Variants in SOX6 observed in about 807,000 individuals in gnomAD.
The protein encoded by SOX6 is transcription factor SOX-6.
Under a neutral mutation model 97.8 loss-of-function variants are expected in SOX6, and 11 were observed. That is an observed-to-expected ratio of 0.11 (90% CI 0.07 to 0.19). SOX6 has a LOEUF of 0.19. Among genes scored for constraint, SOX6 ranks in the 10% least tolerant of loss-of-function variants. The pLI, the probability that SOX6 is intolerant of heterozygous loss-of-function variation, is 1.00. For missense variants in SOX6, 810 were observed against 1,039.5 expected, an observed-to-expected ratio of 0.78 and a Z score of 3.04; for synonymous variants, 360 against 371.4, an observed-to-expected ratio of 0.97 and a Z score of 0.35.
chr11:16,495,544 T>C (rs1046975934), intron 4 of SOX6, among the ~76,000 whole-genome samples: 2 of 152,092 alleles, frequency 1.3e-5, no homozygotes, highest in African/African-American at 2.4e-5. Context: ...ACTACCACAA[T>C]AGCTGGCACC....
chr11:16,564,446 T>A (rs1847846481), intron 4 of SOX6, among the ~76,000 whole-genome samples: 1 of 152,072 alleles, frequency 6.6e-6, no homozygotes, highest in South Asian at 2.1e-4. Context: ...TACAGAAGAA[T>A]TAAACAATCT....
At chr11:15,975,749 A>G (rs1348100605) in intron 15 of SOX6, among the ~76,000 whole-genome samples, 3 of 152,172 alleles carry the variant, frequency 2.0e-5, no homozygotes, top group Non-Finnish European at 4.4e-5. Flanking sequence ...AAGTACCATA[A>G]TCAGGAGTTG....
chr11:16,404,467 C>T (rs532804313), intron 1 of SOX6, among the ~76,000 whole-genome samples: 29 of 151,976 alleles, frequency 1.9e-4, no homozygotes, highest in African/African-American at 6.5e-4. Flanking sequence ...TTATTGTTAA[C>T]AACCAATTAA....
At chr11:16,066,302 T>C (rs1848092485) in intron 9 of SOX6, among the ~76,000 whole-genome samples, 1 of 152,086 alleles carries the variant, frequency 6.6e-6, no homozygotes, top group Admixed American at 6.6e-5. Context: ...ACACTGTTGG[T>C]GAGAATGTAA....
Position 15,972,998 on chromosome 11 carries a change from C to A in SOX6, c.2298G>T (p.Ser766=). Reference sequence around the variant, plus strand: ...CCGGGAGGCTGGGCTCCGGGCTGGCCGAGGTGCTAGAGCAGTCAGATGTCA... The same window carrying A: ...CCGGGAGGCTGGGCTCCGGGCTGGCAGAGGTGCTAGAGCAGTCAGATGTCA... ...PQMTSDCSST[S]ASPEPSLPVI... is the part of the protein sequence containing the mutation. The change falls in exon 16 of 16, where the codon TCG becomes TCT. Residue 766 remains serine, a synonymous_variant. Transcript: ENST00000683767. 6.2e-7 allele frequency: 1 copy of A among 1,614,136 alleles called. No individual in the cohort carries two copies. The highest frequency in any genetic ancestry group is 8.5e-7 in the Non-Finnish European group (1 of 1,180,012).
At chr11:16,630,681 G>A (rs547771666) in intron 3 of SOX6, among the ~76,000 whole-genome samples, 34 of 152,130 alleles carry the variant, frequency 2.2e-4, no homozygotes, top group Middle Eastern at 3.4e-3. Flanking sequence ...TGACAGTCAG[G>A]GTGTTGAAGT....
At chr11:16,575,722 A>G (rs1235537878) in intron 4 of SOX6, among the ~76,000 whole-genome samples, 1 of 152,202 alleles carries the variant, frequency 6.6e-6, no homozygotes, top group African/African-American at 2.4e-5. Flanking sequence ...AAAGTAAAGA[A>G]AGTGACTAAC....
chr11:16,674,322 C>A (rs1384045927), intron 3 of SOX6, among the ~76,000 whole-genome samples: 2 of 151,818 alleles, frequency 1.3e-5, no homozygotes, highest in Non-Finnish European at 2.9e-5. Flanking sequence ...CAAGTAATGC[C>A]GAAAAAGCAT....
chr11:16,428,086 A>T (rs1859188947), intron 1 of SOX6, among the ~76,000 whole-genome samples: 1 of 152,190 alleles, frequency 6.6e-6, no homozygotes, highest in Admixed American at 6.5e-5. Context: ...GCCAGTGATG[A>T]TGAGCATTTT....
intron 1 of SOX6, among the ~76,000 whole-genome samples, chr11:16,349,993 C>T (rs924943166): frequency 6.6e-6 from 1 of 152,086 alleles, no homozygotes; most frequent in Non-Finnish European, 1.5e-5. Flanking sequence ...TTCTAAATAA[C>T]ATCATTTATG....
chr11:16,461,531 C>T (rs1046151968), intron 1 of SOX6, among the ~76,000 whole-genome samples: 11 of 152,084 alleles, frequency 7.2e-5, no homozygotes, highest in Non-Finnish European at 1.5e-4. Context: ...TTATTGTTTC[C>T]TATCCCATAC....
intron 3 of SOX6, among the ~76,000 whole-genome samples, chr11:16,254,944 C>T (rs1037255826): frequency 2.0e-5 from 3 of 151,972 alleles, no homozygotes; most frequent in Admixed American, 6.6e-5. Context: ...ATATACCATG[C>T]TAACATATCA....
At chr11:16,583,618 T>TATATATACACACACACAC (rs1554976107) in intron 4 of SOX6, among the ~76,000 whole-genome samples, 2 of 126,012 alleles carry the variant, frequency 1.6e-5, no homozygotes, top group African/African-American at 3.0e-5. Flanking sequence ...TATATACATA[T>TATATATACACACACACAC]ATATATATAT....
At chr11:16,392,617 T>A (rs1191305433) in intron 1 of SOX6, among the ~76,000 whole-genome samples, 1 of 152,128 alleles carries the variant, frequency 6.6e-6, no homozygotes, top group African/African-American at 2.4e-5. Context: ...CTGGACCCTG[T>A]GGAGAAACAA....
intron 6 of SOX6, among the ~76,000 whole-genome samples, chr11:16,181,371 C>T (rs1372992573): frequency 6.6e-6 from 1 of 150,482 alleles, no homozygotes; most frequent in African/African-American, 2.4e-5. Flanking sequence ...TTGTTTTATC[C>T]TTTGTTCTGT....
intron 13 of SOX6, among the ~76,000 whole-genome samples, chr11:15,999,771 G>A (rs1376365776): frequency 6.6e-6 from 1 of 152,114 alleles, no homozygotes; most frequent in Admixed American, 6.5e-5. Context: ...TGGGTTGCTT[G>A]ATGGAACTGT....
At chr11:16,525,750 A>G (rs1861148558) in intron 4 of SOX6, among the ~76,000 whole-genome samples, 1 of 152,094 alleles carries the variant, frequency 6.6e-6, no homozygotes, top group South Asian at 2.1e-4. Context: ...AAGGGCTAAT[A>G]TCCAGAATCT....
chr11:16,339,881 CT>C (rs1350720935), intron 2 of SOX6, among the ~76,000 whole-genome samples: 1 of 152,090 alleles, frequency 6.6e-6, no homozygotes, highest in Non-Finnish European at 1.5e-5. Flanking sequence ...GAAAAACAGA[CT>C]TGCTTTATTA....
In SOX6 at chr11:16,731,186, C is replaced by T. The variant is rs530115812; in HGVS notation, n.353+5153G>A. Among the ~76,000 whole-genome samples, 14 of 152,280 alleles carry T rather than the reference C, an allele frequency of 9.2e-5. No individual in the cohort carries two copies. The South Asian group carries it at 2.9e-3, about 32-fold the overall frequency. On this transcript the variant is annotated intron_variant and non_coding_transcript_variant, in intron 2 of 5. Transcript: ENST00000524520. The stretch of plus-strand genomic sequence containing the variant: ...CCAGAGATACAAAGGGGAGCTGGTA[C>T]CATTCCTTCCGAAACTATTCCAAAT...
Sources: allele counts gnomAD v4.1 joint callset (sites outside exome capture counted in the v4.1 genomes callset), GRCh38; gene constraint gnomAD v4.1.1; transcripts MANE v1.5; gene names NCBI Gene and HGNC (gene_info 2026-07-23, HGNC 2026-07-21).